The following COQ6 variants were observed in gnomAD, a reference collection of about 807,000 sequenced individuals.
The protein encoded by COQ6 is ubiquinone biosynthesis monooxygenase COQ6, mitochondrial.
COQ6 carries 45 observed loss-of-function variants against 55.5 expected under a neutral mutation model. That is an observed-to-expected ratio of 0.81 (90% CI 0.64 to 1.04). COQ6 has a LOEUF of 1.04. COQ6 is among the 50% of genes least tolerant of loss of function. COQ6 has a pLI of 0.00. For synonymous variants in COQ6, 206 were observed against 230.5 expected, an observed-to-expected ratio of 0.89 and a Z score of 0.96; for missense variants, 550 against 601.3, an observed-to-expected ratio of 0.91 and a Z score of 0.89.
At chr14:73,959,889 A>T in intron 8 of COQ6, 1 of 1,222,394 alleles carries the variant, frequency 8.2e-7, no homozygotes, top group Non-Finnish European at 1.0e-6. Flanking sequence ...GTTTTGAGTC[A>T]GGAAAAAGGA....
chr14:73,950,201 A>G (rs1345794065), upstream of COQ6: 1 of 1,547,514 alleles, frequency 6.5e-7, no homozygotes. Context: ...CGATTGGCCT[A>G]TTTTCTCCGC....
chr14:73,961,658 A>C, intron 10 of COQ6, 79 bp from the exon 11 acceptor site: 1 of 1,606,196 alleles, frequency 6.2e-7, no homozygotes. Flanking sequence ...GAGTGGACAT[A>C]AAATATATCT....
At chr14:73,950,258 T>A, upstream of COQ6, 1 of 1,538,672 alleles carries the variant, frequency 6.5e-7, no homozygotes, top group Non-Finnish European at 8.7e-7. Flanking sequence ...GGGACGGGAT[T>A]GGAGTGCTCT....
At chr14:73,952,624 C>T (rs527239013) in intron 1 of COQ6, among the ~76,000 whole-genome samples, 10 of 152,066 alleles carry the variant, frequency 6.6e-5, no homozygotes, top group East Asian at 1.9e-4. Context: ...CCTCCCACCT[C>T]GGCCTCCCAA....
intron 1 of COQ6, among the ~76,000 whole-genome samples, chr14:73,950,792 C>G (rs1476569247): frequency 6.6e-6 from 1 of 152,188 alleles, no homozygotes; most frequent in East Asian, 1.9e-4. Flanking sequence ...CAGTACTTGT[C>G]ATTGTCTTTT....
At chr14:73,956,284 C>A in intron 4 of COQ6, 1 of 260,344 alleles carries the variant, frequency 3.8e-6, no homozygotes, top group Non-Finnish European at 7.6e-6. Flanking sequence ...GCCGAGATCA[C>A]GCCACTGCAC....
At chr14:73,955,655 G>C in intron 3 of COQ6, 146 bp downstream of exon 3, 6 of 1,396,210 alleles carry the variant, frequency 4.3e-6, no homozygotes, top group Non-Finnish European at 6.1e-6. Context: ...AGCATTCCCA[G>C]GAGAATTTTC....
chr14:73,956,963 G>A (rs1201037924), intron 4 of COQ6, among the ~76,000 whole-genome samples: 1 of 152,124 alleles, frequency 6.6e-6, no homozygotes, highest in Admixed American at 6.5e-5. Flanking sequence ...GCATGTACAT[G>A]CATAGGAAAT....
chr14:73,958,615 G>C, intron 5 of COQ6: 1 of 1,288,846 alleles, frequency 7.8e-7, no homozygotes, highest in South Asian at 1.6e-5. Flanking sequence ...CTGCTCACAA[G>C]CTTCCCTTTT....
At chr14:73,955,664 TC>T in intron 3 of COQ6, 140 bp from the exon 4 acceptor site, 3 of 1,433,298 alleles carry the variant, frequency 2.1e-6, no homozygotes, top group Non-Finnish European at 2.9e-6. Flanking sequence ...AGGAGAATTT[TC>T]TTCTCATTTT....
Position 73,958,293 on chromosome 14 carries a change from T to C in COQ6, c.612+16T>C, listed in dbSNP as rs778552819. The C allele has an allele frequency of 2.5e-6, 4 of 1,613,894 alleles. No homozygotes were observed. In the East Asian group the frequency reaches 8.9e-5, roughly 36 times the overall value. ...CAAATTGTTGGTAGTTGAAGATTCT[T>C]ATTTTGCTAGGGGTCTTGTATATCT... On this transcript the variant is annotated intron_variant, in intron 5 of 11. Transcript: ENST00000334571.
intron 11 of COQ6, among the ~76,000 whole-genome samples, chr14:73,962,422 G>A (rs113145643): frequency 0.021 from 3,271 of 152,168 alleles, 115 homozygotes; most frequent in African/African-American, 0.075. Context: ...TAGGGAGTGT[G>A]GTGGCACATG....
At position 73,955,880 on chromosome 14, in the gene COQ6, A is replaced by G. The variant is rs1219866575; in HGVS notation, c.433A>G (p.Asn145Asp). The part of the protein sequence containing the change: ...NLDDMGYIVE[N>D]DVIMHALTKQ... ...AGATGACATGGGCTATATCGTGGAG[A>G]ATGATGTCATCATGCATGCTCTCAC... Residue 145 changes from asparagine to aspartate, a missense_variant, in exon 4 of 12, where the codon AAT (asparagine) becomes GAT (aspartate). Physicochemically the swap from Asn to Asp is conservative, Grantham distance 23 (BLOSUM62 1). Transcript: ENST00000334571. 1 of 1,614,044 alleles carries G rather than the reference A, an allele frequency of 6.2e-7. No individual in the cohort carries two copies. Among genetic ancestry groups the G allele is most frequent in the South Asian group, 1.1e-5 (1 of 91,078 alleles).
At chr14:73,958,535 G>A in intron 5 of COQ6, 3 of 1,325,456 alleles carry the variant, frequency 2.3e-6, no homozygotes, top group Non-Finnish European at 2.9e-6. Context: ...AGAGTGTTGG[G>A]AATGGAGGCT....
chr14:73,950,615 C>A, intron 1 of COQ6, 120 bp downstream of exon 1: 1 of 1,417,214 alleles, frequency 7.1e-7, no homozygotes, highest in Non-Finnish European at 9.4e-7. Flanking sequence ...GACGCTTCTC[C>A]CCTCCCCTCC....
chr14:73,950,414 T>C lies in COQ6; in HGVS notation c.82T>C (p.Ser28Pro). 1 of 1,598,844 alleles carries C rather than the reference T, an allele frequency of 6.3e-7. No individual in the cohort carries two copies. Among genetic ancestry groups the C allele is most frequent in the Non-Finnish European group, 8.5e-7 (1 of 1,172,908 alleles). ...CCCGCTGGTGTCCTGGCGCAGGTGG[T>C]CCGGCGCCTCAACAGACACCGTGTA... ...SGPLVSWRRWSGASTDTVYDV... is the reference protein window; with the variant it reads ...SGPLVSWRRWPGASTDTVYDV... The change falls in exon 1 of 12, where the codon TCC becomes CCC. Residue 28 changes from serine to proline, a missense_variant. Physicochemically the swap from Ser to Pro is moderately conservative, Grantham distance 74. Transcript: ENST00000334571.
chr14:73,950,149 A>G, upstream of COQ6: 1 of 1,593,318 alleles, frequency 6.3e-7, no homozygotes. Context: ...CTTCCAGGGC[A>G]GCCTCCGATC....
At chr14:73,961,711 G>T (rs376372879) in intron 10 of COQ6, 26 bp from the exon 11 acceptor site, 125 of 1,613,714 alleles carry the variant, frequency 7.7e-5, no homozygotes, top group Non-Finnish European at 1.0e-4. Context: ...TTGGATTAGG[G>T]ATTTAATCTT....
rs2140378122 is a variant in COQ6 at position 73,955,490 on chromosome 14, G to A, written c.338G>A (p.Arg113Lys). 6.2e-7 allele frequency: 1 copy of A among 1,614,062 alleles called. No individual in the cohort carries two copies. Among genetic ancestry groups the A allele is most frequent in the Non-Finnish European group, 8.5e-7 (1 of 1,179,970 alleles). The change falls in exon 3 of 12, where the codon AGA becomes AAA. Residue 113 changes from arginine to lysine, a missense_variant. By Grantham distance (26) the Arg-to-Lys change is conservative. Transcript: ENST00000334571. The stretch of plus-strand genomic sequence containing the variant: ...GACCATATCTGCAACATGAGATACA[G>A]AGCCTTTCGGCGAATGCAGGTGCCC... ...AWDHICNMRYRAFRRMQVWDA... is the reference protein window; with the variant it reads ...AWDHICNMRYKAFRRMQVWDA...
Sources: gnomAD v4.1 joint callset for allele counts (sites outside exome capture counted in the v4.1 genomes callset) on GRCh38, gnomAD v4.1.1 for gene constraint, MANE v1.5 for transcripts, NCBI Gene and HGNC (gene_info 2026-07-23, HGNC 2026-07-21) for gene names.